The following CFAP299 variants were observed in gnomAD, a reference collection of about 807,000 sequenced individuals.
The protein encoded by CFAP299 is cilia- and flagella-associated protein 299.
A neutral mutation model predicts 27.0 loss-of-function variants in CFAP299; 21 were observed. That is an observed-to-expected ratio of 0.78 (90% CI 0.55 to 1.12). CFAP299 has a LOEUF of 1.12. Among genes scored for constraint, CFAP299 ranks in the 50% most tolerant of loss-of-function variants. The pLI is 0.00. For synonymous variants in CFAP299, 104 were observed against 98.1 expected, an observed-to-expected ratio of 1.06 and a Z score of -0.36; for missense variants, 310 against 276.6, an observed-to-expected ratio of 1.12 and a Z score of -0.86.
intron 4 of CFAP299, among the ~76,000 whole-genome samples, chr4:80,886,079 G>A (rs947005707): frequency 2.6e-5 from 4 of 152,178 alleles, no homozygotes; most frequent in Non-Finnish European, 4.4e-5. Flanking sequence ...AACACCCCAC[G>A]GACTAGTGGT....
chr4:80,368,459 A>G (rs1723955932), intron 2 of CFAP299, among the ~76,000 whole-genome samples: 1 of 152,192 alleles, frequency 6.6e-6, no homozygotes, highest in Non-Finnish European at 1.5e-5. Context: ...TATAATGTAT[A>G]GTTATCTCCT....
intron 2 of CFAP299, among the ~76,000 whole-genome samples, chr4:80,398,923 AG>A (rs1362594671): frequency 6.6e-6 from 1 of 151,560 alleles, no homozygotes; most frequent in Non-Finnish European, 1.5e-5. Context: ...ATGGGAGAAA[AG>A]TTTTGCAATC....
At chr4:80,948,723 T>C (rs1737604739) in intron 5 of CFAP299, among the ~76,000 whole-genome samples, 1 of 151,960 alleles carries the variant, frequency 6.6e-6, no homozygotes, top group East Asian at 1.9e-4. Flanking sequence ...TATTCTCACT[T>C]CCCATTTCTG....
intron 3 of CFAP299, among the ~76,000 whole-genome samples, chr4:80,816,498 G>A (rs1729428928): frequency 6.6e-6 from 1 of 152,124 alleles, no homozygotes; most frequent in South Asian, 2.1e-4. Flanking sequence ...CAATTTAGCA[G>A]AGAATGTAGT....
At chr4:80,836,855 TA>T (rs1430309777) in intron 3 of CFAP299, among the ~76,000 whole-genome samples, 1 of 152,138 alleles carries the variant, frequency 6.6e-6, no homozygotes, top group Non-Finnish European at 1.5e-5. Flanking sequence ...ACTTTTTGAT[TA>T]TTTTTATATG....
intron 2 of CFAP299, among the ~76,000 whole-genome samples, chr4:80,524,538 T>C (rs1349907023): frequency 6.6e-6 from 1 of 152,066 alleles, no homozygotes; most frequent in Non-Finnish European, 1.5e-5. Context: ...TAATCTAGCC[T>C]ATGGCTTCTG....
chr4:80,641,332 G>A (rs1479008256), intron 3 of CFAP299, among the ~76,000 whole-genome samples: 1 of 151,986 alleles, frequency 6.6e-6, no homozygotes, highest in Non-Finnish European at 1.5e-5. Flanking sequence ...AGCCTCCCAA[G>A]TAGCTGGGAC....
intron 2 of CFAP299, among the ~76,000 whole-genome samples, chr4:80,474,180 G>T (rs1730158189): frequency 6.6e-6 from 1 of 152,204 alleles, no homozygotes; most frequent in East Asian, 1.9e-4. Context: ...TCTAATAAAT[G>T]TGATTTTATA....
At chr4:80,476,904 C>G (rs1346473643) in intron 2 of CFAP299, among the ~76,000 whole-genome samples, 1 of 151,858 alleles carries the variant, frequency 6.6e-6, no homozygotes, top group African/African-American at 2.4e-5. Flanking sequence ...ACTTTCATAT[C>G]CCTGGAGCCT....
intron 3 of CFAP299, among the ~76,000 whole-genome samples, chr4:80,716,917 G>A (rs763532572): frequency 1.3e-5 from 2 of 152,054 alleles, no homozygotes; most frequent in Non-Finnish European, 2.9e-5. Context: ...TTGAAGGAAT[G>A]TGTTTTCTGA....
chr4:80,877,258 A>T (rs1436779722), intron 4 of CFAP299, among the ~76,000 whole-genome samples: 2 of 152,156 alleles, frequency 1.3e-5, no homozygotes, highest in Admixed American at 1.3e-4. Flanking sequence ...TCCAATACTT[A>T]ACTCATTTTA....
At chr4:80,495,633 A>G (rs745885954) in intron 2 of CFAP299, among the ~76,000 whole-genome samples, 2 of 152,206 alleles carry the variant, frequency 1.3e-5, no homozygotes, top group African/African-American at 4.8e-5. Flanking sequence ...CCCTATCTCT[A>G]TAAAAAATTT....
intron 4 of CFAP299, among the ~76,000 whole-genome samples, chr4:80,916,284 TA>T (rs1735756776): frequency 8.4e-6 from 1 of 118,554 alleles, no homozygotes; most frequent in African/African-American, 3.8e-5. Context: ...TATATATATA[TA>T]TATATATATA....
At position 80,874,822 on chromosome 4, in the gene CFAP299, C is replaced by T. The variant is rs192391203; in HGVS notation, c.476+4687C>T. 4.4e-3 allele frequency among the ~76,000 whole-genome samples: 662 copies of T among 152,050 alleles called. 11 individuals are homozygous for T. The highest frequency in any genetic ancestry group is 0.041 in the Admixed American group (619 of 15,270). ...GCTCTCTAGTAGGGTAGCTACTACC[C>T]GCATATGGCCACCGAGTACTTGATG... On this transcript the variant is annotated intron_variant, in intron 4 of 5. Coordinates refer to ENST00000358105, the MANE Select transcript of CFAP299 (RefSeq NM_152770.3).
At position 80,936,122 on chromosome 4, in the gene CFAP299, T is replaced by C. The variant is rs941324817; in HGVS notation, c.477-8688T>C. On this transcript the variant is annotated intron_variant, in intron 4 of 5. Coordinates refer to ENST00000358105, the MANE Select transcript of CFAP299 (RefSeq NM_152770.3). ...CTTTTAATGGCAAAAACATAATTAC[T>C]TTTGCATCAACCTATCAAAGATGAT... Among the ~76,000 whole-genome samples, 7 of 152,226 alleles carry C rather than the reference T, an allele frequency of 4.6e-5. No individual in the cohort carries two copies. In the East Asian group the frequency reaches 1.4e-3, roughly 29 times the overall value.
At chr4:80,702,038 G>T (rs925738604) in intron 3 of CFAP299, among the ~76,000 whole-genome samples, 3 of 151,836 alleles carry the variant, frequency 2.0e-5, no homozygotes, top group Non-Finnish European at 4.4e-5. Context: ...TAGACACTCT[G>T]CCAGAACATA....
At chr4:80,944,786 C>G in intron 4 of CFAP299, 24 bp from the exon 5 acceptor site, 1 of 1,544,424 alleles carries the variant, frequency 6.5e-7, no homozygotes. Context: ...CATCTTAATT[C>G]CTAATAAATG....
intron 4 of CFAP299, among the ~76,000 whole-genome samples, chr4:80,902,430 A>G (rs1734949750): frequency 1.4e-5 from 2 of 146,532 alleles, no homozygotes; most frequent in African/African-American, 2.5e-5. Context: ...ATGTTTATAT[A>G]TGTAAGTATA....
At chr4:80,692,712 A>C (rs931058829) in intron 3 of CFAP299, among the ~76,000 whole-genome samples, 9 of 152,194 alleles carry the variant, frequency 5.9e-5, no homozygotes, top group African/African-American at 9.7e-5. Context: ...TAATTAAACT[A>C]AAGAGCTTCT....
Sources: allele counts gnomAD v4.1 joint callset (sites outside exome capture counted in the v4.1 genomes callset), GRCh38; gene constraint gnomAD v4.1.1; transcripts MANE v1.5; gene names NCBI Gene and HGNC (gene_info 2026-07-23, HGNC 2026-07-21).